The following TSC22D2 variants were observed in gnomAD, a reference collection of about 807,000 sequenced individuals.
TSC22D2 encodes the protein TSC22 domain family protein 2.
In TSC22D2, 5 loss-of-function variants were observed where a neutral mutation model predicts 50.1. The observed-to-expected ratio is 0.10, with a 90% CI of 0.05 to 0.21. The LOEUF is 0.21. Ranked by LOEUF, TSC22D2 falls within the 10% of genes least tolerant of loss-of-function variation. The pLI is 1.00. For missense variants in TSC22D2, 1,003 were observed against 1,015.5 expected, an observed-to-expected ratio of 0.99 and a Z score of 0.17; for synonymous variants, 501 against 450.1, an observed-to-expected ratio of 1.11 and a Z score of -1.43.
At position 150,426,474 on chromosome 3, in the gene TSC22D2, G is replaced by C. The variant is rs556786872; in HGVS notation, c.1958+15166G>C. 2.6e-5 allele frequency among the ~76,000 whole-genome samples: 4 copies of C among 152,238 alleles called. No individual in the cohort carries two copies. In the South Asian group the frequency reaches 8.3e-4, roughly 32 times the overall value. ...AGTCCTTTGTTTACAAAAGCTCAGC[G>C]TAAGGGTTTATAGCAAACAATTTTA... On this transcript the variant is annotated intron_variant, in intron 1 of 2. Coordinates refer to ENST00000688009, the MANE Select transcript of TSC22D2 (RefSeq NM_001303264.2).
chr3:150,420,423 GATTGTGTA>G (rs1719967111), intron 1 of TSC22D2, among the ~76,000 whole-genome samples: 1 of 152,158 alleles, frequency 6.6e-6, no homozygotes, highest in Non-Finnish European at 1.5e-5. Context: ...GTAGTACATA[GATTGTGTA>G]ACTGTGTACT....
At chr3:150,415,582 A>G (rs1340188228) in intron 1 of TSC22D2, among the ~76,000 whole-genome samples, 3 of 152,252 alleles carry the variant, frequency 2.0e-5, no homozygotes, top group Non-Finnish European at 4.4e-5. Flanking sequence ...TGAGAGACCA[A>G]GGTCAGAGGA....
chr3:150,409,684 A>G lies in TSC22D2; in HGVS notation c.334A>G (p.Ser112Gly), dbSNP rs1719431217. 5 of 1,591,336 alleles carry G rather than the reference A, an allele frequency of 3.1e-6. No individual in the cohort carries two copies. Among genetic ancestry groups the G allele is most frequent in the Non-Finnish European group, 4.3e-6 (5 of 1,170,054 alleles). Reference sequence around the variant, plus strand: ...CGGAGGAGGAGTCGTTTCGGCCCGGAGCGTGTCTGGGGCGCTCGCCAGTAC... The same window carrying G: ...CGGAGGAGGAGTCGTTTCGGCCCGGGGCGTGTCTGGGGCGCTCGCCAGTAC... ...ANGGGVVSAR[S>G]VSGALASTLA... The change falls in exon 1 of 3, where the codon AGC becomes GGC. Residue 112 changes from serine to glycine, a missense_variant. By Grantham distance (56) the Ser-to-Gly change is moderately conservative. Around this residue, in one of 6 missense-constraint regions of TSC22D2, gnomAD observed 200 missense variants for 182.8 expected, o/e 1.09. Coordinates refer to ENST00000688009, the MANE Select transcript of TSC22D2 (RefSeq NM_001303264.2). The surrounding 1 kb of genome is among the most constrained non-coding windows in gnomAD (Gnocchi z 7.4).
intron 1 of TSC22D2, among the ~76,000 whole-genome samples, chr3:150,418,536 G>C (rs1381684508): frequency 1.3e-5 from 2 of 151,868 alleles, no homozygotes; most frequent in Admixed American, 1.3e-4. Flanking sequence ...ATTATTACTT[G>C]TACATTCTTT....
At chr3:150,438,125 CAT>C (rs1181781442) in intron 1 of TSC22D2, 2 of 308,976 alleles carry the variant, frequency 6.5e-6, no homozygotes, top group East Asian at 1.7e-4. Flanking sequence ...CATGGTAAAA[CAT>C]AAAATTTTGC....
Position 150,458,715 on chromosome 3 carries a change from C to A in TSC22D2, c.*79C>A. The A allele has an allele frequency of 6.5e-7, 1 of 1,548,704 alleles. No homozygotes were observed. The highest frequency in any genetic ancestry group is 8.7e-7 in the Non-Finnish European group (1 of 1,143,962). On this transcript the variant is annotated 3_prime_UTR_variant, in exon 3 of 3. Coordinates refer to ENST00000688009, the MANE Select transcript of TSC22D2 (RefSeq NM_001303264.2). ...CCACTGGTGTTCTTTCCACTTTATA[C>A]GAAAGCAAGTAGCCATGCTTTGGTT...
chr3:150,452,315 C>A (rs899240826), intron 1 of TSC22D2, among the ~76,000 whole-genome samples: 2 of 152,012 alleles, frequency 1.3e-5, no homozygotes, highest in Non-Finnish European at 2.9e-5. Flanking sequence ...CATGGTGGCA[C>A]ATACCTGTAA....
chr3:150,450,572 C>T (rs960666651), intron 1 of TSC22D2, among the ~76,000 whole-genome samples: 3 of 151,676 alleles, frequency 2.0e-5, no homozygotes, highest in African/African-American at 7.3e-5. Context: ...TTAACTTCAC[C>T]CAAGTTTTAT....
chr3:150,409,953 C>T lies in TSC22D2; in HGVS notation c.603C>T (p.Cys201=), dbSNP rs934584156. Residue 201 remains cysteine, a synonymous_variant, in exon 1 of 3, where the codon TGC becomes TGT. Coordinates refer to ENST00000688009, the MANE Select transcript of TSC22D2 (RefSeq NM_001303264.2). This position sits in a 1 kb window ranked among gnomAD's most constrained non-coding sequence, Gnocchi z 7.4. ...DSSVLTRSGD[C]IRHSSTFDQT... is the part of the protein sequence containing the mutation. The stretch of plus-strand genomic sequence containing the variant: ...GCGTCCTGACTAGATCCGGGGATTG[C>T]ATTAGACACAGCAGTACTTTTGACC... 6 of 1,613,978 alleles carry T rather than the reference C, an allele frequency of 3.7e-6. No individual in the cohort carries two copies. Among genetic ancestry groups the T allele is most frequent in the Non-Finnish European group, 3.4e-6 (4 of 1,180,030 alleles).
chr3:150,425,756 C>T (rs908613843), intron 1 of TSC22D2, among the ~76,000 whole-genome samples: 2 of 152,100 alleles, frequency 1.3e-5, no homozygotes, highest in Admixed American at 6.6e-5. Context: ...ACTAGAAAGA[C>T]AAGAATCTCC....
At chr3:150,442,407 G>T (rs1253542706) in intron 1 of TSC22D2, among the ~76,000 whole-genome samples, 2 of 152,160 alleles carry the variant, frequency 1.3e-5, no homozygotes, top group Non-Finnish European at 2.9e-5. Flanking sequence ...ACAAAATTTG[G>T]TGTCTGAAAA....
At chr3:150,446,377 C>T (rs1054630081) in intron 1 of TSC22D2, among the ~76,000 whole-genome samples, 6 of 152,052 alleles carry the variant, frequency 3.9e-5, no homozygotes, top group South Asian at 2.1e-4. Context: ...TGGCTGGGTA[C>T]GGTGGCACAC....
intron 1 of TSC22D2, among the ~76,000 whole-genome samples, chr3:150,442,369 C>T (rs574920089): frequency 6.6e-6 from 1 of 152,292 alleles, no homozygotes; most frequent in South Asian, 2.1e-4. Context: ...TGTTTAAGTT[C>T]ATTACAACCC....
At chr3:150,424,249 A>T (rs896233082) in intron 1 of TSC22D2, among the ~76,000 whole-genome samples, 3 of 152,174 alleles carry the variant, frequency 2.0e-5, no homozygotes, top group Non-Finnish European at 4.4e-5. Context: ...TTAATACATA[A>T]ATGTAAATTG....
rs1422180418 is a variant in TSC22D2, at chr3:150,459,172, AAGAC to A, written c.*539_*542del. On this transcript the variant is annotated 3_prime_UTR_variant, in exon 3 of 3. Transcript: ENST00000688009. ...TTATAAGTATCAGTAAAGGAAGTGA[AAGAC>A]AGGATTGCATTTAATAGATAAAACG... 1 of 152,672 alleles carries A rather than the reference AAGAC, an allele frequency of 6.5e-6. No homozygotes were observed. The highest frequency in any genetic ancestry group is 1.5e-5 in the Non-Finnish European group (1 of 68,070). 9.5% of individuals were successfully genotyped at this position (152,672 alleles called of 1,614,324 possible).
At chr3:150,418,361 G>C (rs1205679295) in intron 1 of TSC22D2, among the ~76,000 whole-genome samples, 4 of 151,944 alleles carry the variant, frequency 2.6e-5, no homozygotes, top group Admixed American at 2.6e-4. Context: ...TGAGACATCA[G>C]ATCAGATTGG....
chr3:150,455,534 A>G (rs905499365), intron 1 of TSC22D2, among the ~76,000 whole-genome samples: 2 of 152,250 alleles, frequency 1.3e-5, no homozygotes, highest in Non-Finnish European at 1.5e-5. Flanking sequence ...CAAGATTTCA[A>G]GGATTTAGAA....
At position 150,463,390 on chromosome 3, in the gene TSC22D2, T is replaced by A. The variant is rs28454055; in HGVS notation, c.*4754T>A. The A allele has an allele frequency of 1.3e-5, 2 of 152,160 alleles. No homozygotes were observed. Among genetic ancestry groups the A allele is most frequent in the Non-Finnish European group, 2.9e-5 (2 of 68,046 alleles). The allele number at this position is 152,160 out of a possible 1,614,324, so 9.4% of individuals were successfully genotyped here. A position where few individuals can be genotyped will look rare whatever the true frequency, so the allele number is the denominator to read the frequency against. ...CCAAAACCAGACCTTTTCTCCCACCTCCTTCTGCTTCAAGCCTCTTAATAA... is the reference window on the plus strand; with the variant it reads ...CCAAAACCAGACCTTTTCTCCCACCACCTTCTGCTTCAAGCCTCTTAATAA... On this transcript the variant is annotated 3_prime_UTR_variant, in exon 3 of 3. Coordinates refer to ENST00000688009, the MANE Select transcript of TSC22D2 (RefSeq NM_001303264.2).
rs759606407 is a variant in TSC22D2, at chr3:150,410,613, G to T, written c.1263G>T (p.Ser421=). 1.9e-6 allele frequency: 3 copies of T among 1,557,032 alleles called. No homozygotes were observed. The South Asian group carries it at 3.5e-5, about 18-fold the overall frequency. ...TGGGCACCGGCCAGAATGCTTCCTC[G>T]GTGGGCGCGCAGCTCATGGGCGCGT... ...LPVGTGQNAS[S]VGAQLMGASS... Residue 421 remains serine, a synonymous_variant, in exon 1 of 3, where the codon TCG becomes TCT. Transcript: ENST00000688009.
Sources: allele counts gnomAD v4.1 joint callset (sites outside exome capture counted in the v4.1 genomes callset), GRCh38; gene constraint gnomAD v4.1.1; regional missense constraint gnomAD v4.1.1; non-coding constraint Gnocchi (gnomAD v3.1); transcripts MANE v1.5; gene names NCBI Gene and HGNC (gene_info 2026-07-23, HGNC 2026-07-21).